MAD1L1: variants seen among roughly 807,000 people sequenced by gnomAD.
The protein encoded by MAD1L1 is mitotic arrest deficient 1 like 1.
Under a neutral mutation model 96.9 loss-of-function variants are expected in MAD1L1, and 95 were observed. The observed-to-expected ratio is 0.98, with a 90% CI of 0.83 to 1.16. The LOEUF (loss-of-function observed/expected upper bound fraction) is 1.16. Among genes scored for constraint, MAD1L1 ranks in the 50% most tolerant of loss-of-function variants. MAD1L1 has a pLI of 0.00. For synonymous variants in MAD1L1, 473 were observed against 396.6 expected (o/e 1.19, Z -2.29); for missense variants, 1,007 against 954.4 (o/e 1.06, Z -0.73).
In MAD1L1 at chr7:2,220,547, G is replaced by C. The variant is rs550473926; in HGVS notation, c.472-1091C>G. ...GTCAGCCCTGGGGACCACGCACCCA[G>C]GACAGGACAATGGCAAACTCACACA... On this transcript the variant is annotated intron_variant, in intron 5 of 18. Transcript: ENST00000265854. 2.6e-5 allele frequency among the ~76,000 whole-genome samples: 4 copies of C among 152,346 alleles called. No individual in the cohort carries two copies. In the East Asian group the frequency reaches 7.7e-4, roughly 29 times the overall value.
chr7:1,965,484 C>T (rs1417997290), intron 15 of MAD1L1, among the ~76,000 whole-genome samples: 1 of 152,250 alleles, frequency 6.6e-6, no homozygotes, highest in Non-Finnish European at 1.5e-5. Flanking sequence ...CAACCTCGTG[C>T]CACCATCCAG....
chr7:2,149,189 G>A lies in MAD1L1; in HGVS notation c.1036C>T (p.Leu346Phe). 1 of 1,614,108 alleles carries A rather than the reference G, an allele frequency of 6.2e-7. No individual in the cohort carries two copies. Among genetic ancestry groups the A allele is most frequent in the Non-Finnish European group, 8.5e-7 (1 of 1,180,032 alleles). Reference sequence around the variant, plus strand: ...GCGCTGTTCTTGTCCTTCAAGGCAAGCTCCCTCTGCTGCAGCTCAACCACG... The same window carrying A: ...GCGCTGTTCTTGTCCTTCAAGGCAAACTCCCTCTGCTGCAGCTCAACCACG... ...RFVVELQQRE[L>F]ALKDKNSAVT... Residue 346 changes from leucine to phenylalanine, a missense_variant, in exon 11 of 19, where the codon CTT becomes TTT. Coordinates refer to ENST00000265854, the MANE Select transcript of MAD1L1 (RefSeq NM_001013836.2).
chr7:1,970,336 T>C (rs557044658), intron 15 of MAD1L1, among the ~76,000 whole-genome samples: 1 of 145,352 alleles, frequency 6.9e-6, no homozygotes, highest in Non-Finnish European at 1.5e-5. Flanking sequence ...TTTTACTTTT[T>C]TTTTTTTTTT....
chr7:2,116,962 AT>A (rs1787736052), intron 11 of MAD1L1, among the ~76,000 whole-genome samples: 1 of 152,236 alleles, frequency 6.6e-6, no homozygotes, highest in African/African-American at 2.4e-5. Context: ...AACACCCAGC[AT>A]GGCACAGCAC....
intron 10 of MAD1L1, 75 bp from the exon 11 acceptor site, chr7:2,149,313 G>T (rs1789457308): frequency 2.5e-6 from 3 of 1,204,674 alleles, no homozygotes; most frequent in African/African-American, 3.0e-5. Context: ...CAAAACAGAA[G>T]GCCAAAAGCA....
At chr7:2,148,341 G>A (rs79768670) in intron 11 of MAD1L1, 2,274 of 153,022 alleles carry the variant, frequency 0.015, 25 homozygotes, top group Non-Finnish European at 0.021. Flanking sequence ...CTGGGGCCCC[G>A]TTGCACGGCC....
chr7:2,212,709 G>A lies in MAD1L1; in HGVS notation c.986+503C>T, dbSNP rs145907109. Reference sequence around the variant, plus strand: ...AGCAGATGCCAGCACCATGCTTCCTGTACAGCTGCAGAAGCGTGAGCCAAT... The same window carrying A: ...AGCAGATGCCAGCACCATGCTTCCTATACAGCTGCAGAAGCGTGAGCCAAT... On this transcript the variant is annotated intron_variant, in intron 10 of 18. Transcript: ENST00000265854. 7.9e-5 allele frequency among the ~76,000 whole-genome samples: 12 copies of A among 152,276 alleles called. No individual in the cohort carries two copies. The East Asian group carries it at 2.1e-3, about 27-fold the overall frequency.
At chr7:2,072,176 C>A (rs1785164126) in intron 11 of MAD1L1, among the ~76,000 whole-genome samples, 1 of 152,222 alleles carries the variant, frequency 6.6e-6, no homozygotes, top group Non-Finnish European at 1.5e-5. Flanking sequence ...TCTGACAGCA[C>A]CTCCAGGTAG....
At chr7:1,982,265 G>A (rs569651584) in intron 14 of MAD1L1, among the ~76,000 whole-genome samples, 2 of 151,890 alleles carry the variant, frequency 1.3e-5, no homozygotes, top group Admixed American at 6.6e-5. Context: ...ACCCAGGCTC[G>A]AGTGCAGTGG....
chr7:1,955,590 CAA>C (rs921903106), intron 16 of MAD1L1, among the ~76,000 whole-genome samples: 1 of 152,204 alleles, frequency 6.6e-6, no homozygotes, highest in African/African-American at 2.4e-5. Flanking sequence ...CATGCCCAGC[CAA>C]AAGAGAGATT....
rs1477630577 is a variant in MAD1L1, at chr7:1,898,290, G to A, written c.1908C>T (p.Leu636=). 1.2e-6 allele frequency: 2 copies of A among 1,614,166 alleles called. No individual in the cohort carries two copies. The highest frequency in any genetic ancestry group is 1.7e-5 in the Admixed American group (1 of 60,032). Reference sequence around the variant, plus strand: ...TGGTGATGTCGATCTGGTAGCCGGTGAGCGTGTAGCAGGCCTTGCGGAACT... The same window carrying A: ...TGGTGATGTCGATCTGGTAGCCGGTAAGCGTGTAGCAGGCCTTGCGGAACT... ...IQEFRKACYT[L]TGYQIDITTE... The change falls in exon 18 of 19, where the codon CTC becomes CTT. Residue 636 remains leucine (L), a synonymous_variant. Coordinates refer to ENST00000265854, the MANE Select transcript of MAD1L1 (RefSeq NM_001013836.2).
At chr7:2,010,868 A>T (rs1220259465) in intron 13 of MAD1L1, among the ~76,000 whole-genome samples, 4 of 152,132 alleles carry the variant, frequency 2.6e-5, no homozygotes, top group African/African-American at 9.7e-5. Flanking sequence ...AAGGCTTGCG[A>T]GGCCCGAGGT....
intron 18 of MAD1L1, among the ~76,000 whole-genome samples, chr7:1,893,311 T>C (rs113698965): frequency 0.032 from 4,772 of 151,458 alleles, 177 homozygotes; most frequent in Admixed American, 0.096. Flanking sequence ...GGAAGCAGAG[T>C]GGCGGGGGAC....
intron 10 of MAD1L1, among the ~76,000 whole-genome samples, chr7:2,210,480 C>CTG (rs1792871890): frequency 3.2e-5 from 4 of 126,962 alleles, no homozygotes; most frequent in African/African-American, 1.0e-4. Flanking sequence ...GACCGCCAGC[C>CTG]CGCATTCCCG....
At chr7:2,159,563 T>C (rs901547645) in intron 10 of MAD1L1, among the ~76,000 whole-genome samples, 6 of 152,206 alleles carry the variant, frequency 3.9e-5, no homozygotes, top group Non-Finnish European at 8.8e-5. Flanking sequence ...CAGAAAGGCA[T>C]GGGACTGTTT....
intron 17 of MAD1L1, 122 bp downstream of exon 17, chr7:1,936,565 A>AGGGGAGGACAAACCCTCT: frequency 9.7e-7 from 1 of 1,027,508 alleles, no homozygotes; most frequent in Middle Eastern, 3.2e-4. Context: ...GGCTGCCCAC[A>AGGGGAGGACAAACCCTCT]GGGGAGGACA....
At chr7:2,202,960 A>T (rs1792392946) in intron 10 of MAD1L1, among the ~76,000 whole-genome samples, 1 of 152,154 alleles carries the variant, frequency 6.6e-6, no homozygotes, top group South Asian at 2.1e-4. Context: ...CCCAGCTTTG[A>T]CTACAGGGGA....
At chr7:1,846,380 T>C (rs1446711301) in intron 18 of MAD1L1, 1 of 152,622 alleles carries the variant, frequency 6.6e-6, no homozygotes, top group Non-Finnish European at 1.5e-5. Context: ...AGTGTTTCCA[T>C]AGAGGGTTCA....
intron 12 of MAD1L1, among the ~76,000 whole-genome samples, chr7:2,036,479 C>G (rs1343065474): frequency 6.6e-6 from 1 of 152,216 alleles, no homozygotes; most frequent in East Asian, 1.9e-4. Flanking sequence ...GATGAAGTGT[C>G]TAGTCTGAGG....
Sources: allele counts gnomAD v4.1 joint callset (sites outside exome capture counted in the v4.1 genomes callset), GRCh38; gene constraint gnomAD v4.1.1; transcripts MANE v1.5; gene names NCBI Gene and HGNC (gene_info 2026-07-23, HGNC 2026-07-21).